Variants in CRACR2A observed in about 807,000 individuals in gnomAD.
The protein encoded by CRACR2A is calcium release activated channel regulator 2A.
In CRACR2A, 79 loss-of-function variants were observed where a neutral mutation model predicts 90.5. That is an observed-to-expected ratio of 0.87 (90% CI 0.73 to 1.05). CRACR2A has a LOEUF of 1.05. Among genes scored for constraint, CRACR2A ranks in the 50% least tolerant of loss-of-function variants. The probability of loss-of-function intolerance (pLI) is 0.00; values close to 1 mark genes in which losing one functional copy is unlikely to be tolerated. For synonymous variants in CRACR2A, 338 were observed against 356.7 expected (o/e 0.95, Z 0.59); for missense variants, 823 against 897.2 (o/e 0.92, Z 1.06).
intron 19 of CRACR2A, among the ~76,000 whole-genome samples, chr12:3,616,042 T>G (rs1867674917): frequency 6.6e-6 from 1 of 152,252 alleles, no homozygotes; most frequent in Admixed American, 6.5e-5. Flanking sequence ...CCTTTGATTC[T>G]CTCAACAACC....
At chr12:3,647,386 TA>T (rs1251817097) in intron 11 of CRACR2A, among the ~76,000 whole-genome samples, 1 of 152,124 alleles carries the variant, frequency 6.6e-6, no homozygotes, top group Non-Finnish European at 1.5e-5. Context: ...TAGCCTCCAT[TA>T]AAAAGACCCA....
chr12:3,712,938 G>A (rs542529369), intron 3 of CRACR2A, among the ~76,000 whole-genome samples: 4 of 151,982 alleles, frequency 2.6e-5, no homozygotes, highest in Non-Finnish European at 5.9e-5. Flanking sequence ...CCAGACCCTC[G>A]TGCCCACATG....
intron 1 of CRACR2A, among the ~76,000 whole-genome samples, chr12:3,752,343 CACACACACACACGG>C (rs1565514155): frequency 4.6e-5 from 1 of 21,918 alleles, no homozygotes; most frequent in Non-Finnish European, 1.9e-4. Flanking sequence ...CACGGACACA[CACACACACACACGG>C]ACACACACAC....
At chr12:3,685,502 G>C (rs986831420) in intron 4 of CRACR2A, among the ~76,000 whole-genome samples, 4 of 152,150 alleles carry the variant, frequency 2.6e-5, no homozygotes, top group Non-Finnish European at 4.4e-5. Context: ...TACTGACAAA[G>C]GAATGGAGAA....
At chr12:3,639,145 A>T (rs903056344) in intron 13 of CRACR2A, among the ~76,000 whole-genome samples, 6 of 152,162 alleles carry the variant, frequency 3.9e-5, no homozygotes, top group Non-Finnish European at 5.9e-5. Flanking sequence ...GCTTCCCCCT[A>T]GACAAGAGGC....
intron 13 of CRACR2A, among the ~76,000 whole-genome samples, chr12:3,639,886 C>CCA (rs1272211082): frequency 1.3e-5 from 2 of 152,128 alleles, no homozygotes; most frequent in Non-Finnish European, 2.9e-5. Flanking sequence ...TTGCATCAAG[C>CCA]TTATTAAGTG....
chr12:3,646,835 C>T (rs369004950), intron 11 of CRACR2A, among the ~76,000 whole-genome samples: 1 of 152,210 alleles, frequency 6.6e-6, no homozygotes, highest in African/African-American at 2.4e-5. Context: ...CATCCCCATA[C>T]AGAAGCCTCA....
chr12:3,742,241 T>C (rs1432352057), intron 1 of CRACR2A, among the ~76,000 whole-genome samples: 1 of 152,230 alleles, frequency 6.6e-6, no homozygotes, highest in Non-Finnish European at 1.5e-5. Context: ...TGGGCATTGC[T>C]CATTCGGTTT....
chr12:3,740,721 T>C (rs1946511815), intron 1 of CRACR2A, among the ~76,000 whole-genome samples: 1 of 152,210 alleles, frequency 6.6e-6, no homozygotes, highest in Non-Finnish European at 1.5e-5. Context: ...GTGTACATAA[T>C]TTAACCCATT....
intron 3 of CRACR2A, among the ~76,000 whole-genome samples, chr12:3,706,014 G>A (rs74582725): frequency 0.022 from 3,272 of 152,108 alleles, 70 homozygotes; most frequent in Non-Finnish European, 0.027. Context: ...CTGGAAAAGG[G>A]AATCAGCATC....
chr12:3,725,743 C>G (rs117533397), intron 2 of CRACR2A, among the ~76,000 whole-genome samples: 1 of 152,174 alleles, frequency 6.6e-6, no homozygotes, highest in Non-Finnish European at 1.5e-5. Flanking sequence ...TCACATGATC[C>G]TGGATGGGAA....
chr12:3,644,246 A>G (rs1433309939), intron 12 of CRACR2A, among the ~76,000 whole-genome samples: 1 of 152,024 alleles, frequency 6.6e-6, no homozygotes, highest in Non-Finnish European at 1.5e-5. Flanking sequence ...AAAAATTTAA[A>G]TGAAGAAGAA....
At chr12:3,655,347 T>C (rs1944882123) in intron 9 of CRACR2A, among the ~76,000 whole-genome samples, 1 of 152,186 alleles carries the variant, frequency 6.6e-6, no homozygotes, top group Non-Finnish European at 1.5e-5. Context: ...CAGCTGGCAG[T>C]TCCCGGAGTA....
At chr12:3,712,140 C>G (rs241989) in intron 3 of CRACR2A, among the ~76,000 whole-genome samples, 151,788 of 152,236 alleles carry the variant, frequency 1, 75,672 homozygotes, top group Middle Eastern at 1. Flanking sequence ...GCTAGCAGAA[C>G]CATAGTATCA....
intron 3 of CRACR2A, among the ~76,000 whole-genome samples, chr12:3,706,793 G>A (rs1426653922): frequency 1.3e-5 from 2 of 151,900 alleles, no homozygotes; most frequent in African/African-American, 4.8e-5. Context: ...TAGTAGAGTC[G>A]GGGTTTCACC....
intron 1 of CRACR2A, among the ~76,000 whole-genome samples, chr12:3,738,250 A>AT (rs910180945): frequency 9.2e-5 from 14 of 151,970 alleles, no homozygotes; most frequent in African/African-American, 1.7e-4. Context: ...TCTTATATAA[A>AT]TTTTTTTTTA....
chr12:3,617,083 T>C, intron 18 of CRACR2A, 53 bp from the exon 19 acceptor site: 1 of 1,370,314 alleles, frequency 7.3e-7, no homozygotes, highest in East Asian at 2.5e-5. Context: ...GAGGGGATTG[T>C]GGGGGGTGGT....
chr12:3,666,028 A>C (rs1591669848), intron 7 of CRACR2A, among the ~76,000 whole-genome samples: 1 of 152,216 alleles, frequency 6.6e-6, no homozygotes, highest in Admixed American at 6.5e-5. Context: ...GCTGATGGTC[A>C]TCTGTGACCT....
chr12:3,676,020 T>G (rs1945329720), intron 6 of CRACR2A, among the ~76,000 whole-genome samples: 1 of 151,926 alleles, frequency 6.6e-6, no homozygotes, highest in Non-Finnish European at 1.5e-5. Context: ...ACTTCATCCC[T>G]CTCTCCCTCC....
Sources: allele counts gnomAD v4.1 joint callset (sites outside exome capture counted in the v4.1 genomes callset), GRCh38; gene constraint gnomAD v4.1.1; transcripts MANE v1.5; gene names NCBI Gene and HGNC (gene_info 2026-07-23, HGNC 2026-07-21).